Variants in MINDY4 observed in about 807,000 individuals in gnomAD.
MINDY4 encodes the protein MINDY lysine 48 deubiquitinase 4, also known as probable ubiquitin carboxyl-terminal hydrolase MINDY-4.
A neutral mutation model predicts 87.0 loss-of-function variants in MINDY4; 68 were observed. The ratio of observed to expected loss-of-function variants is 0.78; its 90% CI spans 0.64 to 0.96. The LOEUF is 0.96. MINDY4 is among the 40% of genes least tolerant of loss of function. The pLI is 0.00. For synonymous variants in MINDY4, 379 were observed against 363.2 expected (o/e 1.04, Z -0.50); for missense variants, 919 against 928.2 (o/e 0.99, Z 0.13).
chr7:30,782,615 A>G (rs900419577), intron 3 of MINDY4, among the ~76,000 whole-genome samples: 1 of 152,112 alleles, frequency 6.6e-6, no homozygotes, highest in Non-Finnish European at 1.5e-5. Flanking sequence ...AGGCTGGAAG[A>G]TCACCTGAGC....
chr7:30,864,228 G>A (rs1297192282), intron 13 of MINDY4, among the ~76,000 whole-genome samples: 3 of 152,228 alleles, frequency 2.0e-5, no homozygotes, highest in South Asian at 2.1e-4. Context: ...GAGGGATGAC[G>A]CTGGGCAGGA....
Position 30,793,111 on chromosome 7 carries a change from G to GT in MINDY4, c.1073+1545dup, listed in dbSNP as rs551809234. 2.7e-4 allele frequency among the ~76,000 whole-genome samples: 39 copies of GT among 143,228 alleles called. 1 individual carries two copies. Among genetic ancestry groups the GT allele is most frequent in the African/African-American group, 4.8e-4 (19 of 39,306 alleles). 94.0% of individuals were successfully genotyped at this position (143,228 alleles called of 152,430 possible). On this transcript the variant is annotated intron_variant, in intron 5 of 17. Transcript: ENST00000265299. ...GTACTACTAATTTCATACATTTAGG[G>GT]TTTTTTTTGTTTATATTTATATATA... is the stretch of plus-strand genomic sequence containing the variant.
chr7:30,819,422 T>A (rs1161303941), intron 5 of MINDY4, among the ~76,000 whole-genome samples: 1 of 152,242 alleles, frequency 6.6e-6, no homozygotes, highest in Admixed American at 6.5e-5. Flanking sequence ...GACTGCTGTA[T>A]GGTCAATATT....
chr7:30,827,567 G>A (rs868841213), intron 5 of MINDY4, among the ~76,000 whole-genome samples: 1 of 152,172 alleles, frequency 6.6e-6, no homozygotes, highest in Non-Finnish European at 1.5e-5. Flanking sequence ...AATCCTGGTG[G>A]TGTTGGGCAG....
At chr7:30,888,920 G>A (rs1790712175) in intron 17 of MINDY4, among the ~76,000 whole-genome samples, 1 of 152,194 alleles carries the variant, frequency 6.6e-6, no homozygotes, top group Non-Finnish European at 1.5e-5. Flanking sequence ...TGGTAGATGA[G>A]TGTGACTCAC....
intron 16 of MINDY4, 101 bp from the exon 17 acceptor site, chr7:30,882,820 C>A: frequency 1.0e-6 from 1 of 984,928 alleles, no homozygotes; most frequent in South Asian, 1.5e-5. Context: ...GAGGAGGGGA[C>A]AGGGACTAGA....
At chr7:30,805,738 A>T (rs1248800942) in intron 5 of MINDY4, among the ~76,000 whole-genome samples, 1 of 152,088 alleles carries the variant, frequency 6.6e-6, no homozygotes, top group Non-Finnish European at 1.5e-5. Context: ...GAGGAATGGG[A>T]GGAGATGAGG....
intron 12 of MINDY4, among the ~76,000 whole-genome samples, chr7:30,856,052 C>T (rs919973678): frequency 1.6e-4 from 25 of 152,196 alleles, no homozygotes; most frequent in African/African-American, 6.0e-4. Flanking sequence ...TACTGCTCAC[C>T]CTCTGGGCAA....
At chr7:30,800,737 G>A (rs2128170781) in intron 5 of MINDY4, among the ~76,000 whole-genome samples, 1 of 152,342 alleles carries the variant, frequency 6.6e-6, no homozygotes, top group East Asian at 1.9e-4. Context: ...AGATCCAGGG[G>A]AAGATTAACC....
At chr7:30,811,728 C>T (rs1158962972) in intron 5 of MINDY4, among the ~76,000 whole-genome samples, 2 of 152,118 alleles carry the variant, frequency 1.3e-5, no homozygotes, top group African/African-American at 4.8e-5. Context: ...TGTGAAAATC[C>T]CTGTCCTGTT....
intron 13 of MINDY4, among the ~76,000 whole-genome samples, chr7:30,859,862 G>T (rs112001361): frequency 0.017 from 2,607 of 152,224 alleles, 40 homozygotes; most frequent in Middle Eastern, 0.085. Flanking sequence ...CTTTTGGCAG[G>T]GTCTCTATGC....
chr7:30,887,704 A>G (rs1343128275), intron 17 of MINDY4, among the ~76,000 whole-genome samples: 1 of 152,146 alleles, frequency 6.6e-6, no homozygotes, highest in Non-Finnish European at 1.5e-5. Context: ...CCCACCTGCC[A>G]CCTCCACCTG....
At chr7:30,822,809 A>C (rs1350362978) in intron 5 of MINDY4, among the ~76,000 whole-genome samples, 1 of 150,604 alleles carries the variant, frequency 6.6e-6, no homozygotes, top group Non-Finnish European at 1.5e-5. Context: ...CTAATTTTTG[A>C]ATTTTTTTTT....
At chr7:30,816,263 T>C (rs998082252) in intron 5 of MINDY4, among the ~76,000 whole-genome samples, 5 of 150,448 alleles carry the variant, frequency 3.3e-5, no homozygotes, top group Non-Finnish European at 2.9e-5. Flanking sequence ...TTTTGCAAAC[T>C]GTATGCCCTT....
At chr7:30,773,032 C>A (rs978023801) in intron 1 of MINDY4, among the ~76,000 whole-genome samples, 1 of 152,120 alleles carries the variant, frequency 6.6e-6, no homozygotes, top group East Asian at 1.9e-4. Flanking sequence ...TCCTCTCCCT[C>A]GCATGTTTTA....
chr7:30,795,208 C>T (rs1331624154), intron 5 of MINDY4, among the ~76,000 whole-genome samples: 1 of 152,198 alleles, frequency 6.6e-6, no homozygotes, highest in East Asian at 1.9e-4. Flanking sequence ...TGCAGATTAA[C>T]TCAAAACACA....
chr7:30,890,947 G>T (rs1790777242), intron 17 of MINDY4, among the ~76,000 whole-genome samples: 1 of 152,132 alleles, frequency 6.6e-6, no homozygotes, highest in Non-Finnish European at 1.5e-5. Context: ...TCTGGATGTA[G>T]ATGTACAATT....
At chr7:30,775,067 A>T (rs992459037) in intron 1 of MINDY4, among the ~76,000 whole-genome samples, 5 of 152,130 alleles carry the variant, frequency 3.3e-5, no homozygotes, top group African/African-American at 1.2e-4. Context: ...CACACTTCAG[A>T]CACCAAATGT....
At position 30,859,341 on chromosome 7, in the gene MINDY4, C is replaced by G; in HGVS notation, c.1745+17C>G. ...TACAGAGCTGTGAGTATCTTTCTCCCTCAACTCCCTGGGGCTGGGCTGGTC... is the reference window on the plus strand; with the variant it reads ...TACAGAGCTGTGAGTATCTTTCTCCGTCAACTCCCTGGGGCTGGGCTGGTC... On this transcript the variant is annotated intron_variant, in intron 13 of 17. Transcript: ENST00000265299. 1.9e-6 allele frequency: 3 copies of G among 1,612,692 alleles called. No individual in the cohort carries two copies. The highest frequency in any genetic ancestry group is 2.5e-6 in the Non-Finnish European group (3 of 1,178,866).
Sources: gnomAD v4.1 joint callset for allele counts (sites outside exome capture counted in the v4.1 genomes callset) on GRCh38, gnomAD v4.1.1 for gene constraint, MANE v1.5 for transcripts, NCBI Gene and HGNC (gene_info 2026-07-23, HGNC 2026-07-21) for gene names.